The following AURKA variants were observed in gnomAD, a reference collection of about 807,000 sequenced individuals.
The protein encoded by AURKA is aurora kinase A, also known as aurora 2.
In AURKA, 12 loss-of-function variants were observed where a neutral mutation model predicts 40.9. The ratio of observed to expected loss-of-function variants is 0.29; its 90% confidence interval spans 0.19 to 0.48. The LOEUF (loss-of-function observed/expected upper bound fraction) is 0.48, where lower values mean the gene tolerates loss of function less well. Among genes scored for constraint, AURKA ranks in the 20% least tolerant of loss-of-function variants. The probability of loss-of-function intolerance (pLI) is 0.99; values close to 1 mark genes in which losing one functional copy is unlikely to be tolerated. For missense variants in AURKA, 322 were observed against 462.1 expected (o/e 0.70, Z 2.78); for synonymous variants, 170 against 164.3 (o/e 1.03, Z -0.26).
intron 5 of AURKA, among the ~76,000 whole-genome samples, chr20:56,381,981 T>G (rs765456713): frequency 6.6e-6 from 1 of 152,016 alleles, no homozygotes; most frequent in Non-Finnish European, 1.5e-5. Context: ...CTGGCCAACA[T>G]GGTGAAACCT....
rs1334565109 is a variant in AURKA, at chr20:56,370,344, G to A, written c.1030-4C>T. 3 of 1,614,180 alleles carry A rather than the reference G, an allele frequency of 1.9e-6. No individual in the cohort carries two copies. The South Asian group carries it at 3.3e-5, about 18-fold the overall frequency. ...AGTCAGGGAATGTGAATTCAACCTG[G>A]AGTACAACAAATGATAAAATATCAC... is the stretch of plus-strand genomic sequence containing the variant. On this transcript the variant is annotated splice_polypyrimidine_tract_variant and splice_region_variant and intron_variant, in intron 8 of 8. Coordinates refer to ENST00000395915, the MANE Select transcript of AURKA (RefSeq NM_198437.3).
At chr20:56,371,367 C>G (rs1325648977) in intron 7 of AURKA, among the ~76,000 whole-genome samples, 1 of 151,348 alleles carries the variant, frequency 6.6e-6, no homozygotes, top group East Asian at 1.9e-4. Context: ...GAGGCTGAGG[C>G]AGAAGAATGG....
Position 56,386,370 on chromosome 20 carries a change from T to C in AURKA, c.206A>G (p.Lys69Arg), listed in dbSNP as rs761965396. Residue 69 changes from lysine to arginine, a missense_variant, in exon 3 of 9, where the codon AAG (lysine) becomes AGG (arginine). Physicochemically the swap from Lys to Arg is conservative, Grantham distance 26. Coordinates refer to ENST00000395915, the MANE Select transcript of AURKA (RefSeq NM_198437.3). The part of the protein sequence containing the change: ...LQAQKLVSSH[K>R]PVQNQKQKQL... ...CTTCTGCTTCTGATTCTGAACCGGC[T>C]TGTGACTGGAGACAAGCTTTTGTGC... 1.9e-6 allele frequency: 3 copies of C among 1,614,182 alleles called. No individual in the cohort carries two copies. The highest frequency in any genetic ancestry group is 2.5e-6 in the Non-Finnish European group (3 of 1,180,030).
chr20:56,385,546 C>T (rs1424299651), intron 3 of AURKA, among the ~76,000 whole-genome samples: 1 of 151,908 alleles, frequency 6.6e-6, no homozygotes, highest in African/African-American at 2.4e-5. Flanking sequence ...ACCACAACCT[C>T]CACCTCCTGG....
Position 56,381,703 on chromosome 20 carries a change from A to G in AURKA, c.567-132T>C, listed in dbSNP as rs542222428. The G allele has an allele frequency of 6.3e-6, 7 of 1,103,790 alleles. No homozygotes were observed. In the East Asian group the frequency reaches 1.3e-4, roughly 20 times the overall value. The allele number at this position is 1,103,790 out of a possible 1,614,324, so 68.4% of individuals were successfully genotyped here. On this transcript the variant is annotated intron_variant, in intron 5 of 8. Coordinates refer to ENST00000395915, the MANE Select transcript of AURKA (RefSeq NM_198437.3). Reference sequence around the variant, plus strand: ...AACCACACTCCAAACCCCACTTTAGAATCTGAAACTATAAACCCACTCCAA... The same window carrying G: ...AACCACACTCCAAACCCCACTTTAGGATCTGAAACTATAAACCCACTCCAA...
At chr20:56,379,881 T>C (rs556099589) in intron 6 of AURKA, among the ~76,000 whole-genome samples, 1 of 150,846 alleles carries the variant, frequency 6.6e-6, no homozygotes, top group South Asian at 2.1e-4. Context: ...GAGAATCGCT[T>C]GAACCCAGGA....
At chr20:56,379,420 G>A (rs1250274484) in intron 6 of AURKA, among the ~76,000 whole-genome samples, 1 of 152,194 alleles carries the variant, frequency 6.6e-6, no homozygotes. Context: ...TTCATGGTAT[G>A]CTTAATGAAG....
chr20:56,387,314 G>T (rs555668113), intron 2 of AURKA, among the ~76,000 whole-genome samples: 1 of 152,060 alleles, frequency 6.6e-6, no homozygotes, highest in Admixed American at 6.6e-5. Context: ...CACCACGCCT[G>T]GCTAATTTTT....
At chr20:56,370,804 C>T (rs956019125) in intron 7 of AURKA, 145 bp from the exon 8 acceptor site, 1 of 897,348 alleles carries the variant, frequency 1.1e-6, no homozygotes. Context: ...ATTATAAATT[C>T]CCATAGGAAA....
intron 1 of AURKA, among the ~76,000 whole-genome samples, chr20:56,389,454 G>C (rs1394398097): frequency 6.6e-6 from 1 of 152,008 alleles, no homozygotes; most frequent in East Asian, 1.9e-4. Flanking sequence ...CCCTGTTCAT[G>C]GGTGTGCCCT....
Position 56,389,043 on chromosome 20 carries a change from G to A in AURKA, c.-5-841C>T, listed in dbSNP as rs188449264. ...CCCAAGGGTCAATTCCACCTTCCCC[G>A]TACTTGCATCCTCAGCAGAATCTGA... On this transcript the variant is annotated intron_variant, in intron 1 of 8. Coordinates refer to ENST00000395915, the MANE Select transcript of AURKA (RefSeq NM_198437.3). Among the ~76,000 whole-genome samples, 18 of 152,150 alleles carry A rather than the reference G, an allele frequency of 1.2e-4. No homozygotes were observed. The East Asian group carries it at 1.7e-3, about 15-fold the overall frequency.
intron 2 of AURKA, 81 bp from the exon 3 acceptor site, chr20:56,386,614 C>T: frequency 2.0e-6 from 3 of 1,516,248 alleles, no homozygotes; most frequent in Non-Finnish European, 2.7e-6. Context: ...AAAGTTTGTT[C>T]TCTAGTATAG....
chr20:56,369,728 C>A lies in AURKA; in HGVS notation c.*430G>T. The A allele has an allele frequency of 2.8e-6, 1 of 361,200 alleles. No individual in the cohort carries two copies. The highest frequency in any genetic ancestry group is 5.2e-6 in the Non-Finnish European group (1 of 193,110). The allele number at this position is 361,200 out of a possible 1,614,324, so 22.4% of individuals were successfully genotyped here. On this transcript the variant is annotated 3_prime_UTR_variant, in exon 9 of 9. Transcript: ENST00000395915. ...CACATACTCATTCCAACAGCTTTAC[C>A]AGGCTTCGCCAACCCAATAAGTTAC... is the stretch of plus-strand genomic sequence containing the variant.
chr20:56,377,150 C>T (rs111771191), intron 6 of AURKA, among the ~76,000 whole-genome samples: 2 of 152,120 alleles, frequency 1.3e-5, no homozygotes, highest in Admixed American at 6.6e-5. Context: ...ATTAGCTGGG[C>T]GTGGTGGTAC....
intron 6 of AURKA, among the ~76,000 whole-genome samples, chr20:56,375,182 TG>T (rs1192156711): frequency 5.9e-5 from 9 of 152,266 alleles, no homozygotes; most frequent in Non-Finnish European, 1.2e-4. Context: ...TGGATTGCTA[TG>T]GCATGATCAT....
At chr20:56,376,818 G>A (rs1304308249) in intron 6 of AURKA, among the ~76,000 whole-genome samples, 7 of 152,158 alleles carry the variant, frequency 4.6e-5, no homozygotes, top group Non-Finnish European at 1.0e-4. Flanking sequence ...AGTGGCTCAT[G>A]CCTGCAATCC....
At position 56,372,335 on chromosome 20, in the gene AURKA, G is replaced by C. The variant is rs138479415; in HGVS notation, c.854+1073C>G. On this transcript the variant is annotated intron_variant, in intron 7 of 8. Transcript: ENST00000395915. Reference sequence around the variant, plus strand: ...CAAACTGAGGCAATAACCAGGAAATGATGATGATTAACATCTGGGATTTGG... The same window carrying C: ...CAAACTGAGGCAATAACCAGGAAATCATGATGATTAACATCTGGGATTTGG... 2.0e-4 allele frequency among the ~76,000 whole-genome samples: 30 copies of C among 152,300 alleles called. No homozygotes were observed. In the East Asian group the frequency reaches 5.8e-3, roughly 29 times the overall value.
intron 1 of AURKA, 86 bp from the exon 2 acceptor site, chr20:56,388,288 A>C: frequency 8.7e-7 from 1 of 1,152,124 alleles, no homozygotes; most frequent in South Asian, 1.2e-5. Flanking sequence ...ACAGTTCCCC[A>C]ATCAAAAGGC....
At chr20:56,387,805 G>C (rs1398696748) in intron 2 of AURKA, among the ~76,000 whole-genome samples, 1 of 152,164 alleles carries the variant, frequency 6.6e-6, no homozygotes, top group Non-Finnish European at 1.5e-5. Context: ...GTTATCATAG[G>C]AACTTAGAAT....
Sources: gnomAD v4.1 joint callset for allele counts (sites outside exome capture counted in the v4.1 genomes callset) on GRCh38, gnomAD v4.1.1 for gene constraint, MANE v1.5 for transcripts, NCBI Gene and HGNC (gene_info 2026-07-23, HGNC 2026-07-21) for gene names.